Variants in ACOXL observed in about 807,000 individuals in gnomAD.
ACOXL encodes the protein acyl-coenzyme A oxidase-like protein.
Under a neutral mutation model 71.9 loss-of-function variants are expected in ACOXL, and 70 were observed. The ratio of observed to expected loss-of-function variants is 0.97; its 90% CI spans 0.80 to 1.19. ACOXL has a LOEUF of 1.19. ACOXL is among the 50% of genes most tolerant of loss of function. ACOXL has a pLI of 0.00. For missense variants in ACOXL, 703 were observed against 736.3 expected (o/e 0.95, Z 0.52); for synonymous variants, 253 against 281.6 (o/e 0.90, Z 1.02).
intron 12 of ACOXL, among the ~76,000 whole-genome samples, chr2:110,942,964 GAAAA>G (rs201040673): frequency 1.2e-5 from 1 of 83,252 alleles, no homozygotes; most frequent in East Asian, 4.1e-4. Flanking sequence ...AGAAAGAAAA[GAAAA>G]AAAAAGAAGA....
intron 17 of ACOXL, among the ~76,000 whole-genome samples, chr2:111,116,733 C>T (rs2070380103): frequency 2.0e-5 from 3 of 150,754 alleles, no homozygotes; most frequent in African/African-American, 7.3e-5. Flanking sequence ...ATGTGTAGAT[C>T]AGAAGAAAAG....
chr2:110,849,920 G>A (rs1692400238), intron 10 of ACOXL, among the ~76,000 whole-genome samples: 1 of 152,196 alleles, frequency 6.6e-6, no homozygotes, highest in East Asian at 1.9e-4. Flanking sequence ...CAGACTTGTA[G>A]TCCAATGGGA....
intron 9 of ACOXL, among the ~76,000 whole-genome samples, chr2:110,826,111 A>G (rs1355742203): frequency 6.6e-6 from 1 of 152,200 alleles, no homozygotes; most frequent in South Asian, 2.1e-4. Context: ...TCTATCAGCA[A>G]ATAATAAAAG....
chr2:110,879,691 T>C (rs1696377849), intron 10 of ACOXL, among the ~76,000 whole-genome samples: 1 of 152,122 alleles, frequency 6.6e-6, no homozygotes, highest in Admixed American at 6.5e-5. Flanking sequence ...GTGAGGTGCA[T>C]GTCTGGAGCC....
intron 9 of ACOXL, among the ~76,000 whole-genome samples, chr2:110,825,808 G>A (rs1007409152): frequency 2.6e-5 from 4 of 152,136 alleles, no homozygotes; most frequent in Non-Finnish European, 4.4e-5. Context: ...AGCCACAGTG[G>A]AGATTTTTCT....
At chr2:110,820,575 C>T (rs1688472948) in intron 9 of ACOXL, among the ~76,000 whole-genome samples, 1 of 151,926 alleles carries the variant, frequency 6.6e-6, no homozygotes, top group Non-Finnish European at 1.5e-5. Context: ...GGGCTGGACA[C>T]TTAGGAAGAA....
At chr2:111,116,591 G>A (rs2070369961) in intron 17 of ACOXL, among the ~76,000 whole-genome samples, 1 of 151,676 alleles carries the variant, frequency 6.6e-6, no homozygotes, top group African/African-American at 2.4e-5. Context: ...CACCATGTGA[G>A]GGCAAAGGTG....
At chr2:110,874,143 C>G (rs1695607330) in intron 10 of ACOXL, among the ~76,000 whole-genome samples, 1 of 152,208 alleles carries the variant, frequency 6.6e-6, no homozygotes, top group Non-Finnish European at 1.5e-5. Context: ...GGAGACCAGC[C>G]CCCACCCTCA....
At chr2:110,955,852 G>C (rs1189693246) in intron 12 of ACOXL, among the ~76,000 whole-genome samples, 3 of 151,810 alleles carry the variant, frequency 2.0e-5, no homozygotes, top group Non-Finnish European at 4.4e-5. Context: ...TGGCATCCGG[G>C]TTGGAGGAGG....
At chr2:110,807,965 A>G (rs905197365) in intron 9 of ACOXL, among the ~76,000 whole-genome samples, 2 of 151,962 alleles carry the variant, frequency 1.3e-5, no homozygotes, top group African/African-American at 2.4e-5. Flanking sequence ...CAAATGTCAT[A>G]TTTTTCATGG....
intron 16 of ACOXL, among the ~76,000 whole-genome samples, chr2:111,053,563 C>T (rs756472378): frequency 3.9e-5 from 6 of 152,184 alleles, no homozygotes; most frequent in Non-Finnish European, 7.3e-5. Context: ...TGGTCCAGAC[C>T]CTCCCTGTCC....
At chr2:110,909,693 AG>A (rs948916023) in intron 11 of ACOXL, among the ~76,000 whole-genome samples, 1 of 151,108 alleles carries the variant, frequency 6.6e-6, no homozygotes, top group Non-Finnish European at 1.5e-5. Context: ...AGCTAGTGCC[AG>A]GGTTTATAAA....
At chr2:110,906,902 C>T (rs1020154899) in intron 10 of ACOXL, among the ~76,000 whole-genome samples, 1 of 152,170 alleles carries the variant, frequency 6.6e-6, no homozygotes, top group Admixed American at 6.5e-5. Context: ...TGCATGTGGC[C>T]ATTGTCTGGT....
chr2:111,010,572 T>A (rs2064102560), intron 14 of ACOXL, among the ~76,000 whole-genome samples: 1 of 152,022 alleles, frequency 6.6e-6, no homozygotes, highest in African/African-American at 2.4e-5. Context: ...TTATCAATAA[T>A]GACAGCACAT....
At chr2:110,985,659 G>A (rs2062900295) in intron 12 of ACOXL, among the ~76,000 whole-genome samples, 1 of 152,130 alleles carries the variant, frequency 6.6e-6, no homozygotes. Context: ...TGTCACTTGT[G>A]TACTGGCCTA....
At chr2:111,082,928 A>G (rs1237361037) in intron 16 of ACOXL, among the ~76,000 whole-genome samples, 1 of 152,056 alleles carries the variant, frequency 6.6e-6, no homozygotes, top group East Asian at 1.9e-4. Context: ...CCAAACTAAC[A>G]CAAGAACAGA....
chr2:111,103,399 G>A (rs1288586441), intron 17 of ACOXL, among the ~76,000 whole-genome samples: 1 of 152,140 alleles, frequency 6.6e-6, no homozygotes, highest in Non-Finnish European at 1.5e-5. Flanking sequence ...TGTGAGAGCC[G>A]ATACATCTGT....
At chr2:110,847,953 T>C (rs998976635) in intron 10 of ACOXL, among the ~76,000 whole-genome samples, 1 of 152,240 alleles carries the variant, frequency 6.6e-6, no homozygotes, top group African/African-American at 2.4e-5. Flanking sequence ...TTGTGTACTT[T>C]TGTGTTCTGA....
At chr2:111,069,464 T>G (rs115334486) in intron 16 of ACOXL, among the ~76,000 whole-genome samples, 76 of 152,318 alleles carry the variant, frequency 5.0e-4, no homozygotes, top group African/African-American at 1.7e-3. Flanking sequence ...CCTCTTCTTA[T>G]AAGGACATCA....
Sources: allele counts gnomAD v4.1 joint callset (sites outside exome capture counted in the v4.1 genomes callset), GRCh38; gene constraint gnomAD v4.1.1; transcripts MANE v1.5; gene names NCBI Gene and HGNC (gene_info 2026-07-23, HGNC 2026-07-21).